The following ACSM3 variants were observed in gnomAD, a reference collection of about 807,000 sequenced individuals.
The protein encoded by ACSM3 is acyl-coenzyme A synthetase ACSM3, mitochondrial.
ACSM3 carries 61 observed loss-of-function variants against 74.1 expected under a neutral mutation model. The ratio of observed to expected loss-of-function variants is 0.82; its 90% CI spans 0.67 to 1.02. ACSM3 has a LOEUF of 1.02. Ranked by LOEUF, ACSM3 falls within the 50% of genes least tolerant of loss-of-function variation. The probability of loss-of-function intolerance (pLI) is 0.00; values close to 1 mark genes in which losing one functional copy is unlikely to be tolerated. For missense variants in ACSM3, 660 were observed against 697.0 expected, an observed-to-expected ratio of 0.95 and a Z score of 0.60; for synonymous variants, 213 against 241.5, an observed-to-expected ratio of 0.88 and a Z score of 1.09.
intron 1 of ACSM3, among the ~76,000 whole-genome samples, chr16:20,714,609 T>G (rs1278666226): frequency 6.6e-6 from 1 of 151,930 alleles, no homozygotes; most frequent in Non-Finnish European, 1.5e-5. Flanking sequence ...TTAGAGAATA[T>G]TGGATGTGGA....
At chr16:20,733,598 T>C (rs2079844245) in intron 1 of ACSM3, 1 of 151,922 alleles carries the variant, frequency 6.6e-6, no homozygotes, top group Non-Finnish European at 1.5e-5. Context: ...TTTTATGATA[T>C]ATATATACTA....
chr16:20,786,290 A>G, intron 9 of ACSM3, 132 bp downstream of exon 9: 1 of 1,416,006 alleles, frequency 7.1e-7, no homozygotes, highest in Non-Finnish European at 9.3e-7. Context: ...TTTAATTTTT[A>G]TAAATATGTG....
chr16:20,760,843 C>T (rs139353874), upstream of ACSM3, among the ~76,000 whole-genome samples: 32 of 152,310 alleles, frequency 2.1e-4, no homozygotes, highest in African/African-American at 4.3e-4. Flanking sequence ...TACCTTTTAA[C>T]GTCTAATAAG....
intron 1 of ACSM3, among the ~76,000 whole-genome samples, chr16:20,706,160 T>C (rs548544915): frequency 5.2e-4 from 79 of 151,912 alleles, no homozygotes; most frequent in African/African-American, 1.9e-3. Context: ...TAAGAAATAA[T>C]GACCAAAAGT....
chr16:20,681,138 A>C (rs1426940408), intron 1 of ACSM3: 1 of 152,212 alleles, frequency 6.6e-6, no homozygotes, highest in Non-Finnish European at 1.5e-5. Flanking sequence ...ACCCCAATCT[A>C]TATGCTCAAC....
At chr16:20,717,528 G>A (rs1032742535) in intron 1 of ACSM3, among the ~76,000 whole-genome samples, 2 of 152,166 alleles carry the variant, frequency 1.3e-5, no homozygotes, top group South Asian at 2.1e-4. Context: ...ATATCAAAAG[G>A]TGCCAGCTGA....
At chr16:20,737,997 A>G in intron 1 of ACSM3, 1 of 1,543,934 alleles carries the variant, frequency 6.5e-7, no homozygotes, top group Non-Finnish European at 8.7e-7. Flanking sequence ...TTTCTCAGAC[A>G]TCTTAAAGAT....
At chr16:20,778,434 C>T (rs985339707) in intron 4 of ACSM3, among the ~76,000 whole-genome samples, 2 of 152,086 alleles carry the variant, frequency 1.3e-5, no homozygotes, top group South Asian at 2.1e-4. Flanking sequence ...AGGCCAAGTA[C>T]GGTTCTAATA....
intron 7 of ACSM3, among the ~76,000 whole-genome samples, chr16:20,782,002 C>G (rs1234189882): frequency 6.6e-6 from 1 of 152,152 alleles, no homozygotes; most frequent in Non-Finnish European, 1.5e-5. Flanking sequence ...AGTGAGGGTT[C>G]AGCTATGTTT....
At chr16:20,693,641 C>T (rs2079674723) in intron 1 of ACSM3, among the ~76,000 whole-genome samples, 1 of 152,192 alleles carries the variant, frequency 6.6e-6, no homozygotes, top group Non-Finnish European at 1.5e-5. Context: ...GTGGCTGGAG[C>T]TGAGAATTGT....
At chr16:20,682,325 G>A in intron 1 of ACSM3, 1 of 1,614,032 alleles carries the variant, frequency 6.2e-7, no homozygotes, top group Non-Finnish European at 8.5e-7. Flanking sequence ...GGTTTTCAGA[G>A]AGGGGCACTG....
intron 1 of ACSM3, among the ~76,000 whole-genome samples, chr16:20,749,086 T>G (rs2079970701): frequency 6.6e-6 from 1 of 151,984 alleles, no homozygotes; most frequent in East Asian, 1.9e-4. Flanking sequence ...AAGAAAAGAT[T>G]TTCAAAGTGA....
chr16:20,792,228 G>A lies in ACSM3; in HGVS notation c.1455-8G>A. 1 of 1,614,086 alleles carries A rather than the reference G, an allele frequency of 6.2e-7. No individual in the cohort carries two copies. Among genetic ancestry groups the A allele is most frequent in the Non-Finnish European group, 8.5e-7 (1 of 1,179,962 alleles). On this transcript the variant is annotated splice_region_variant and splice_polypyrimidine_tract_variant and intron_variant, in intron 11 of 13. Coordinates refer to ENST00000289416, the MANE Select transcript of ACSM3 (RefSeq NM_005622.4). ...ACCTGTATGTATTCCTGCCATATGT[G>A]TTTCTAGCTATCGAATTGGACCATT... is the stretch of plus-strand genomic sequence containing the variant.
chr16:20,786,294 A>G (rs1417676173), intron 9 of ACSM3, 136 bp downstream of exon 9: 18 of 1,402,462 alleles, frequency 1.3e-5, no homozygotes, highest in Non-Finnish European at 1.7e-5. Context: ...ATTTTTATAA[A>G]TATGTGAAAA....
chr16:20,782,550 C>A (rs546910494), intron 7 of ACSM3, among the ~76,000 whole-genome samples: 1 of 152,204 alleles, frequency 6.6e-6, no homozygotes, highest in East Asian at 1.9e-4. Flanking sequence ...CCCACATTGA[C>A]CAATTCTCCA....
At chr16:20,788,894 GAGA>G (rs1229079327) in intron 9 of ACSM3, among the ~76,000 whole-genome samples, 1 of 152,162 alleles carries the variant, frequency 6.6e-6, no homozygotes. Context: ...AGAGCTTAAA[GAGA>G]AGTTTTTACG....
intron 1 of ACSM3, chr16:20,741,938 C>T: frequency 6.5e-7 from 1 of 1,532,962 alleles, no homozygotes; most frequent in Non-Finnish European, 8.7e-7. Flanking sequence ...GCCCAAGCCC[C>T]GCCTCCTGCC....
chr16:20,696,959 T>TCC (rs1461278387), intron 1 of ACSM3, among the ~76,000 whole-genome samples: 1 of 152,144 alleles, frequency 6.6e-6, no homozygotes, highest in African/African-American at 2.4e-5. Flanking sequence ...TCTTCCCAGC[T>TCC]CCCCATAAGG....
At chr16:20,741,534 C>A in intron 1 of ACSM3, 1 of 1,372,172 alleles carries the variant, frequency 7.3e-7, no homozygotes, top group Non-Finnish European at 9.7e-7. Flanking sequence ...CATGTCGTCG[C>A]CGTATTCGTT....
Sources: gnomAD v4.1 joint callset for allele counts (sites outside exome capture counted in the v4.1 genomes callset) on GRCh38, gnomAD v4.1.1 for gene constraint, MANE v1.5 for transcripts, NCBI Gene and HGNC (gene_info 2026-07-23, HGNC 2026-07-21) for gene names.